The following CUBN variants were observed in gnomAD, a reference collection of about 807,000 sequenced individuals.
CUBN encodes the protein 460 kDa receptor.
Under a neutral mutation model 405.3 loss-of-function variants are expected in CUBN, and 282 were observed. The observed-to-expected ratio is 0.70, with a 90% CI of 0.63 to 0.77. CUBN has a LOEUF of 0.77. Ranked by LOEUF, CUBN falls within the 30% of genes least tolerant of loss-of-function variation. The probability of loss-of-function intolerance (pLI) is 0.00; values close to 1 mark genes in which losing one functional copy is unlikely to be tolerated. For missense variants in CUBN, 4,514 were observed against 4,475.2 expected, an observed-to-expected ratio of 1.01 and a Z score of -0.25; for synonymous variants, 1,684 against 1,617.0, an observed-to-expected ratio of 1.04 and a Z score of -0.99.
At chr10:17,126,894 T>C (rs1837204433) in intron 3 of CUBN, 95 bp from the exon 4 acceptor site, 19 of 1,252,932 alleles carry the variant, frequency 1.5e-5, no homozygotes, top group Non-Finnish European at 2.1e-5. Context: ...TGCCCTCTGC[T>C]AGGGACACAC....
At chr10:16,916,193 C>A (rs145230250) in intron 45 of CUBN, among the ~76,000 whole-genome samples, 163 bp from the exon 46 acceptor site, 121 of 152,322 alleles carry the variant, frequency 7.9e-4, no homozygotes, top group African/African-American at 2.8e-3. Context: ...ACGGTTAGTG[C>A]TTTCCTCATT....
At chr10:17,082,470 G>T (rs138911047) in intron 17 of CUBN, among the ~76,000 whole-genome samples, 29 of 152,256 alleles carry the variant, frequency 1.9e-4, no homozygotes, top group African/African-American at 6.7e-4. Flanking sequence ...CAGTTCTAGT[G>T]TTCTGCAAAG....
At chr10:16,907,184 T>C (rs1841577224) in intron 49 of CUBN, among the ~76,000 whole-genome samples, 3 of 152,206 alleles carry the variant, frequency 2.0e-5, no homozygotes, top group South Asian at 4.1e-4. Flanking sequence ...AGGAGGTAGA[T>C]GGTTTCTTTC....
At chr10:17,023,544 C>T (rs1164108063) in intron 27 of CUBN, 9 of 452,958 alleles carry the variant, frequency 2.0e-5, no homozygotes, top group Non-Finnish European at 3.6e-5. Context: ...TCAAAGTATA[C>T]AAATACAGGT....
chr10:16,909,724 T>G lies in CUBN; in HGVS notation c.7534-2045A>C, dbSNP rs374540208. Among the ~76,000 whole-genome samples the G allele has an allele frequency of 1.1e-4, 17 of 152,228 alleles. No homozygotes were observed. The East Asian group carries it at 2.1e-3, about 19-fold the overall frequency. On this transcript the variant is annotated intron_variant, in intron 48 of 66. Transcript: ENST00000377833. ...CTTCTGCTGTTAGAAGCAACCAGAATGCAATTCCCATCATTGTCCTCTAAT... is the reference window on the plus strand; with the variant it reads ...CTTCTGCTGTTAGAAGCAACCAGAAGGCAATTCCCATCATTGTCCTCTAAT...
At chr10:17,047,746 T>C in intron 22 of CUBN, 143 bp from the exon 23 acceptor site, 2 of 743,590 alleles carry the variant, frequency 2.7e-6, no homozygotes, top group African/African-American at 1.8e-5. Context: ...AAGACTTCAT[T>C]CTGAAACAAA....
chr10:17,018,649 T>G (rs1334720940), intron 28 of CUBN, among the ~76,000 whole-genome samples: 2 of 152,134 alleles, frequency 1.3e-5, no homozygotes, highest in Non-Finnish European at 2.9e-5. Flanking sequence ...GGTGGCCAGC[T>G]TTTATTCCCT....
rs1248312491 is a variant in CUBN at position 16,851,310 on chromosome 10, T to C, written c.9588A>G (p.Val3196=). The C allele has an allele frequency of 1.2e-6, 2 of 1,614,050 alleles. No homozygotes were observed. The highest frequency in any genetic ancestry group is 1.7e-6 in the Non-Finnish European group (2 of 1,180,016). ...CAAATGTATTGAAGGTGAGGTGAAT[T>C]ACTTTGTTTACAGGTGCAATTATGA... is the stretch of plus-strand genomic sequence containing the variant. ...VWIIIAPVNK[V]IHLTFNTFAL... Residue 3196 remains valine (V), a synonymous_variant, in exon 60 of 67, where the codon GTA becomes GTG. Transcript: ENST00000377833.
intron 54 of CUBN, among the ~76,000 whole-genome samples, chr10:16,891,927 CTA>C: frequency 6.6e-6 from 1 of 152,154 alleles, no homozygotes; most frequent in East Asian, 1.9e-4. Context: ...CAACAGACAA[CTA>C]TCTCAAACAA....
chr10:17,044,852 A>C (rs574565162), intron 25 of CUBN, among the ~76,000 whole-genome samples, 155 bp downstream of exon 25: 1 of 152,202 alleles, frequency 6.6e-6, no homozygotes, highest in South Asian at 2.1e-4. Context: ...GGTCACTTTC[A>C]CCAAATTTCT....
chr10:16,913,468 G>A (rs1031462602), intron 48 of CUBN, among the ~76,000 whole-genome samples: 4 of 152,104 alleles, frequency 2.6e-5, no homozygotes, highest in Admixed American at 1.3e-4. Flanking sequence ...CAGAACTTTC[G>A]TGGTGGCTTG....
chr10:17,105,405 G>A (rs757213900), intron 11 of CUBN, 52 bp downstream of exon 11: 71 of 1,033,342 alleles, frequency 6.9e-5, no homozygotes, highest in Non-Finnish European at 7.9e-5. Context: ...TTTTATAGGC[G>A]TGAAACTAAT....
At chr10:16,844,003 C>T (rs1455511270) in intron 60 of CUBN, among the ~76,000 whole-genome samples, 3 of 152,070 alleles carry the variant, frequency 2.0e-5, no homozygotes, top group African/African-American at 7.2e-5. Flanking sequence ...GGCGTGGTGG[C>T]TCATTCCTGT....
At chr10:16,853,535 A>G (rs1839779786) in intron 59 of CUBN, among the ~76,000 whole-genome samples, 1 of 152,244 alleles carries the variant, frequency 6.6e-6, no homozygotes, top group Non-Finnish European at 1.5e-5. Flanking sequence ...CAGGCACATT[A>G]CTTAGTAGGT....
At chr10:17,126,349 C>T (rs1172133328) in intron 4 of CUBN, among the ~76,000 whole-genome samples, 2 of 152,164 alleles carry the variant, frequency 1.3e-5, no homozygotes, top group Admixed American at 6.5e-5. Flanking sequence ...TAAGAAAATT[C>T]GGACTATTTT....
At chr10:16,987,809 A>C (rs1051845552) in intron 29 of CUBN, among the ~76,000 whole-genome samples, 2 of 152,242 alleles carry the variant, frequency 1.3e-5, no homozygotes, top group African/African-American at 4.8e-5. Context: ...GAACATTTGC[A>C]GAAAAGCAAA....
At chr10:16,885,559 A>T (rs1840787944) in intron 56 of CUBN, among the ~76,000 whole-genome samples, 1 of 152,184 alleles carries the variant, frequency 6.6e-6, no homozygotes, top group African/African-American at 2.4e-5. Flanking sequence ...TAAGTGGCTG[A>T]CCTGGCATTA....
chr10:16,861,666 C>G (rs1840016988), intron 59 of CUBN, among the ~76,000 whole-genome samples: 1 of 151,980 alleles, frequency 6.6e-6, no homozygotes, highest in Non-Finnish European at 1.5e-5. Context: ...ATGAGATGTA[C>G]AAACTGAGTT....
chr10:17,084,277 G>C lies in CUBN; in HGVS notation c.2295C>G (p.Tyr765Ter). The change falls in exon 17 of 67, where the codon TAC (tyrosine) becomes TAG (stop). Residue 765 changes from tyrosine (Y) to a stop codon, truncating the protein, a stop_gained. Coordinates refer to ENST00000377833, the MANE Select transcript of CUBN (RefSeq NM_001081.4). LOFTEE classifies it high-confidence loss of function. ...LQCQSDSSQN[Y>*]IEVRDGETLL... ...ATTGAGTAGTGAAAGTTACCTCAAT[G>C]TAATTCTGAGAACTGTCACTCTGGC... 1 of 1,613,920 alleles carries C rather than the reference G, an allele frequency of 6.2e-7. No homozygotes were observed. Among genetic ancestry groups the C allele is most frequent in the Non-Finnish European group, 8.5e-7 (1 of 1,179,914 alleles).
Sources: allele counts gnomAD v4.1 joint callset (sites outside exome capture counted in the v4.1 genomes callset), GRCh38; gene constraint gnomAD v4.1.1; transcripts MANE v1.5; gene names NCBI Gene and HGNC (gene_info 2026-07-23, HGNC 2026-07-21).